The following CDH26 variants were observed in gnomAD, a reference collection of about 807,000 sequenced individuals.
CDH26 encodes cadherin 26.
CDH26 carries 83 observed loss-of-function variants against 90.3 expected under a neutral mutation model. That is an observed-to-expected ratio of 0.92 (90% CI 0.77 to 1.10). The LOEUF is 1.10. Among genes scored for constraint, CDH26 ranks in the 50% least tolerant of loss-of-function variants. The probability of loss-of-function intolerance (pLI) is 0.00; values close to 1 mark genes in which losing one functional copy is unlikely to be tolerated. For missense variants in CDH26, 1,013 were observed against 1,037.6 expected, an observed-to-expected ratio of 0.98 and a Z score of 0.33; for synonymous variants, 397 against 396.3, an observed-to-expected ratio of 1.00 and a Z score of -0.02.
chr20:60,029,899 G>A (rs998423479), intron 7 of CDH26, among the ~76,000 whole-genome samples: 1 of 151,928 alleles, frequency 6.6e-6, no homozygotes, highest in African/African-American at 2.4e-5. Flanking sequence ...CTCATGTCAA[G>A]TGTCCTTACC....
At position 59,989,272 on chromosome 20, in the gene CDH26, T is replaced by G. The variant is rs550055510; in HGVS notation, c.1283+109T>G. Reference sequence around the variant, plus strand: ...GGCCGGGCGCGGTGGCTCACGCCTGTAATCCCAGCGCTTTGGGAGGCCGAG... The same window carrying G: ...GGCCGGGCGCGGTGGCTCACGCCTGGAATCCCAGCGCTTTGGGAGGCCGAG... On this transcript the variant is annotated intron_variant, in intron 9 of 17. Coordinates refer to ENST00000348616, the MANE Select transcript of CDH26 (RefSeq NM_177980.4). 6.1e-3 allele frequency: 8,699 copies of G among 1,419,048 alleles called. 42 individuals are homozygous for G. Among genetic ancestry groups the G allele is most frequent in the Non-Finnish European group, 6.9e-3 (7,230 of 1,043,886 alleles). The allele number at this position is 1,419,048 out of a possible 1,614,324, so 87.9% of individuals were successfully genotyped here. A position where few individuals can be genotyped will look rare whatever the true frequency, so the allele number is the denominator to read the frequency against.
intron 4 of CDH26, among the ~76,000 whole-genome samples, chr20:59,973,854 T>TA (rs1227906774): frequency 6.6e-6 from 1 of 152,262 alleles, no homozygotes; most frequent in Non-Finnish European, 1.5e-5. Flanking sequence ...GCAATGAACA[T>TA]ACCCATGCAT....
At position 59,994,260 on chromosome 20, in the gene CDH26, G is replaced by A; in HGVS notation, c.1437G>A (p.Pro479=). ...TCCTCCCCATACAAGGCTTCCCACC[G>A]CAGACTGCTACAGGGACCCTAATGC... ...IIHAVDDGFP[P]QTATGTLMLF... The change falls in exon 11 of 18, where the codon CCG becomes CCA. Residue 479 remains proline, a synonymous_variant. Transcript: ENST00000348616. 6.2e-7 allele frequency: 1 copy of A among 1,613,564 alleles called. No individual in the cohort carries two copies. Among genetic ancestry groups the A allele is most frequent in the Non-Finnish European group, 8.5e-7 (1 of 1,179,874 alleles).
intron 7 of CDH26, 99 bp downstream of exon 7, chr20:59,985,228 T>A: frequency 7.1e-7 from 1 of 1,414,750 alleles, no homozygotes; most frequent in East Asian, 2.4e-5. Flanking sequence ...GCTGTTATCA[T>A]ATTGCTGTGA....
chr20:60,002,183 A>G (rs2061685525), intron 15 of CDH26, among the ~76,000 whole-genome samples: 1 of 152,180 alleles, frequency 6.6e-6, no homozygotes, highest in Non-Finnish European at 1.5e-5. Context: ...GATCTCTATA[A>G]TTTCATATCT....
chr20:60,022,211 A>G (rs1021154292), intron 7 of CDH26, among the ~76,000 whole-genome samples: 2 of 152,120 alleles, frequency 1.3e-5, no homozygotes, highest in African/African-American at 4.8e-5. Flanking sequence ...CTAGCTTGTA[A>G]TGGAATTCAC....
chr20:59,979,421 C>T (rs2426861), intron 4 of CDH26, among the ~76,000 whole-genome samples: 46,661 of 151,366 alleles, frequency 0.31, 9,433 homozygotes, highest in African/African-American at 0.56. Context: ...ATGGCCTTGA[C>T]CTCCTGGCCT....
chr20:59,999,677 T>TA lies in CDH26; in HGVS notation c.2097+15dup. ...CAGGGAGTTAAGGTAACATGCCCCT[T>TA]ACTTGCTTCTGGATTTCAGAGAAGT... On this transcript the variant is annotated intron_variant, in intron 14 of 17. Transcript: ENST00000348616. 1 of 1,613,214 alleles carries TA rather than the reference T, an allele frequency of 6.2e-7. No homozygotes were observed. The highest frequency in any genetic ancestry group is 8.5e-7 in the Non-Finnish European group (1 of 1,179,328).
At chr20:59,965,759 G>T (rs1053326127) in intron 1 of CDH26, among the ~76,000 whole-genome samples, 2 of 152,128 alleles carry the variant, frequency 1.3e-5, no homozygotes, top group Non-Finnish European at 2.9e-5. Context: ...ACACTGTAAT[G>T]TCTTAACAGT....
rs1446172649 is a variant in CDH26 at position 60,013,300 on chromosome 20, G to A, written c.*570G>A. On this transcript the variant is annotated 3_prime_UTR_variant, in exon 18 of 18. Coordinates refer to ENST00000348616, the MANE Select transcript of CDH26 (RefSeq NM_177980.4). ...TTATCTTGAGAAAAATGATTATGCT[G>A]AAAGCTTTATAAACAGTATACTCTT... The A allele has an allele frequency of 6.6e-6, 1 of 152,256 alleles. No individual in the cohort carries two copies. Among genetic ancestry groups the A allele is most frequent in the East Asian group, 1.9e-4 (1 of 5,206 alleles). 9.4% of individuals were successfully genotyped at this position (152,256 alleles called of 1,614,324 possible).
chr20:60,001,524 C>T (rs2061677090), intron 15 of CDH26, 113 bp downstream of exon 15: 2 of 1,465,552 alleles, frequency 1.4e-6, no homozygotes, highest in East Asian at 5.0e-5. Flanking sequence ...GAAAAAGGCA[C>T]ATAGTCAATG....
At chr20:59,972,578 A>T (rs1164104073) in intron 4 of CDH26, among the ~76,000 whole-genome samples, 1 of 152,226 alleles carries the variant, frequency 6.6e-6, no homozygotes, top group Non-Finnish European at 1.5e-5. Context: ...TTACGATTTC[A>T]TCACTGCAAC....
At chr20:60,002,364 C>A (rs427365) in intron 15 of CDH26, among the ~76,000 whole-genome samples, 151,808 of 151,810 alleles carry the variant, frequency 1, 75,903 homozygotes, top group Non-Finnish European at 1. Flanking sequence ...CATGGAACAC[C>A]CACCATGGCA....
intron 17 of CDH26, among the ~76,000 whole-genome samples, chr20:60,012,324 T>C (rs1386367041): frequency 6.6e-6 from 1 of 152,026 alleles, no homozygotes; most frequent in Middle Eastern, 3.2e-3. Flanking sequence ...GTGTCACAGT[T>C]CCCTCTCAGA....
intron 7 of CDH26, 96 bp from the exon 8 acceptor site, chr20:59,987,357 T>C: frequency 1.0e-6 from 1 of 989,418 alleles, no homozygotes. Context: ...TTCTCTCTCT[T>C]GCTCTCTCTC....
rs1437871856 is a variant in CDH26, at chr20:60,012,734, A to G, written c.*4A>G. On this transcript the variant is annotated 3_prime_UTR_variant, in exon 18 of 18. Coordinates refer to ENST00000348616, the MANE Select transcript of CDH26 (RefSeq NM_177980.4). ...AGAGTCAGGTGTTCCTTCCTAAAAA[A>G]AAAAGTCTATTTTGGAGAATTGAAA... 6.2e-7 allele frequency: 1 copy of G among 1,612,570 alleles called. No homozygotes were observed. Among genetic ancestry groups the G allele is most frequent in the Non-Finnish European group, 8.5e-7 (1 of 1,179,366 alleles).
chr20:60,002,726 G>A, intron 15 of CDH26, 87 bp from the exon 16 acceptor site: 1 of 929,794 alleles, frequency 1.1e-6, no homozygotes, highest in Admixed American at 2.3e-5. Flanking sequence ...AAAATGAAAG[G>A]CAATATGACT....
rs1233938065 is a variant in CDH26, at chr20:59,970,148, G to A, written c.193G>A (p.Glu65Lys). The A allele has an allele frequency of 1.1e-5, 18 of 1,614,018 alleles. No individual in the cohort carries two copies. The highest frequency in any genetic ancestry group is 1.3e-5 in the African/African-American group (1 of 74,918). The change falls in exon 3 of 18, where the codon GAG (glutamate) becomes AAG (lysine). Residue 65 changes from glutamate (E) to lysine (K), a missense_variant. Coordinates refer to ENST00000348616, the MANE Select transcript of CDH26 (RefSeq NM_177980.4). ...GGTTATCACCACCTTGGAGCTGGAG[G>A]AGGAAGACCCGGGACCCTTTCCCAA... ...RWVITTLELE[E>K]EDPGPFPKLI...
At chr20:60,006,900 G>C (rs878882659) in intron 17 of CDH26, 113 bp downstream of exon 17, 189 of 757,410 alleles carry the variant, frequency 2.5e-4, no homozygotes. Context: ...GTCAGCTAAG[G>C]CTGCCATAAT....
Sources: gnomAD v4.1 joint callset for allele counts (sites outside exome capture counted in the v4.1 genomes callset) on GRCh38, gnomAD v4.1.1 for gene constraint, MANE v1.5 for transcripts, NCBI Gene and HGNC (gene_info 2026-07-23, HGNC 2026-07-21) for gene names.